Variants in ARK2N observed in about 807,000 individuals in gnomAD.
ARK2N encodes arkadia (RNF111) N-terminal like PKA signaling regulator 2N, also known as protein ARK2N.
the ARK2N span, among the ~76,000 whole-genome samples, chr18:46,203,802 G>C: frequency 6.6e-6 from 1 of 152,224 alleles, no homozygotes; most frequent in South Asian, 2.1e-4. Context: ...GCCCAGGCTG[G>C]TCTCAAACTC....
chr18:46,240,242 C>T, the ARK2N span: 2 of 1,580,166 alleles, frequency 1.3e-6, no homozygotes, highest in Non-Finnish European at 1.7e-6. Flanking sequence ...TGTCCTGGAG[C>T]TGTTTTCCTT....
At chr18:46,181,261 G>T in the ARK2N span, among the ~76,000 whole-genome samples, 1 of 151,552 alleles carries the variant, frequency 6.6e-6, no homozygotes, top group Non-Finnish European at 1.5e-5. Context: ...ACTCCCTCTC[G>T]GGAGGTGGGG....
the ARK2N span, among the ~76,000 whole-genome samples, chr18:46,212,370 A>G: frequency 4.5e-3 from 688 of 152,186 alleles, 7 homozygotes; most frequent in African/African-American, 0.015. Flanking sequence ...TGGTATTACT[A>G]TTTTCTTAAG....
At chr18:46,214,815 C>CT in the ARK2N span, among the ~76,000 whole-genome samples, 162 of 152,246 alleles carry the variant, frequency 1.1e-3, 1 homozygote, top group African/African-American at 3.6e-3. Context: ...GATAAAACAT[C>CT]TATTTAAACA....
chr18:46,211,162 G>A, the ARK2N span, among the ~76,000 whole-genome samples: 10 of 152,132 alleles, frequency 6.6e-5, no homozygotes, highest in Non-Finnish European at 1.5e-4. Flanking sequence ...TAGAGATAGT[G>A]AGGTCATTAA....
chr18:46,247,228 T>G, the ARK2N span, among the ~76,000 whole-genome samples: 1 of 152,188 alleles, frequency 6.6e-6, no homozygotes, highest in Non-Finnish European at 1.5e-5. Flanking sequence ...TAGTAACTTT[T>G]CGTTTCATAA....
the ARK2N span, chr18:46,263,438 T>C: frequency 4.9e-6 from 1 of 204,090 alleles, no homozygotes; most frequent in Admixed American, 5.2e-5. Context: ...ATATTTTAAT[T>C]GCCAGGCAAA....
the ARK2N span, among the ~76,000 whole-genome samples, chr18:46,175,360 C>T: frequency 6.6e-6 from 1 of 152,074 alleles, no homozygotes. Context: ...TTTGCTTAGG[C>T]TTTTATTGTG....
the ARK2N span, among the ~76,000 whole-genome samples, chr18:46,215,108 C>T: frequency 6.6e-6 from 1 of 152,150 alleles, no homozygotes; most frequent in African/African-American, 2.4e-5. Flanking sequence ...CACTTGAGCT[C>T]AGGAGTTCGA....
At chr18:46,189,846 A>G in the ARK2N span, among the ~76,000 whole-genome samples, 1 of 152,220 alleles carries the variant, frequency 6.6e-6, no homozygotes, top group African/African-American at 2.4e-5. Context: ...CCTGGGTGAC[A>G]GAGTGAGACA....
At chr18:46,173,783 G>A in the ARK2N span, 3 of 152,418 alleles carry the variant, frequency 2.0e-5, no homozygotes, top group Non-Finnish European at 4.4e-5. Flanking sequence ...GGCTTGCATT[G>A]AGTGGCTTTC....
the ARK2N span, among the ~76,000 whole-genome samples, chr18:46,260,515 C>G: frequency 6.6e-6 from 1 of 152,174 alleles, no homozygotes; most frequent in Non-Finnish European, 1.5e-5. Flanking sequence ...GTAGCCTAAG[C>G]TGGTTTTTGG....
At chr18:46,197,575 G>A in the ARK2N span, among the ~76,000 whole-genome samples, 35 of 152,244 alleles carry the variant, frequency 2.3e-4, 1 homozygote, top group African/African-American at 7.7e-4. Flanking sequence ...GTCCAAGTAC[G>A]GCTGAAGCTT....
the ARK2N span, among the ~76,000 whole-genome samples, chr18:46,177,291 C>T: frequency 1.3e-5 from 2 of 152,178 alleles, no homozygotes; most frequent in African/African-American, 2.4e-5. Context: ...CACAGTGGCT[C>T]ACACCTCTAA....
At chr18:46,223,138 A>G in the ARK2N span, among the ~76,000 whole-genome samples, 1 of 152,220 alleles carries the variant, frequency 6.6e-6, no homozygotes, top group African/African-American at 2.4e-5. Context: ...AAAGCAGATC[A>G]AAGGAGCCAT....
chr18:46,245,810 T>C, the ARK2N span, among the ~76,000 whole-genome samples: 1 of 152,210 alleles, frequency 6.6e-6, no homozygotes, highest in Non-Finnish European at 1.5e-5. Flanking sequence ...AAGAAACTGT[T>C]TTCCATGATA....
At chr18:46,228,928 T>C in the ARK2N span, 1 of 397,186 alleles carries the variant, frequency 2.5e-6, no homozygotes, top group East Asian at 3.6e-5. Context: ...TTTGAAAAGG[T>C]GTTGAACACT....
At chr18:46,196,454 G>A in the ARK2N span, among the ~76,000 whole-genome samples, 46 of 148,698 alleles carry the variant, frequency 3.1e-4, 1 homozygote, top group Non-Finnish European at 5.9e-5. Context: ...GTAGAGACAG[G>A]GTTTCACCAT....
At chr18:46,195,734 C>T in the ARK2N span, among the ~76,000 whole-genome samples, 2 of 151,810 alleles carry the variant, frequency 1.3e-5, no homozygotes, top group African/African-American at 4.8e-5. Context: ...TGCCACCACA[C>T]CTGGCTGATT....
Sources: allele counts gnomAD v4.1 joint callset (sites outside exome capture counted in the v4.1 genomes callset), GRCh38; gene constraint gnomAD v4.1.1; transcripts MANE v1.5; gene names NCBI Gene and HGNC (gene_info 2026-07-23, HGNC 2026-07-21).